Variants in NRXN1 observed in about 807,000 individuals in gnomAD.
The protein encoded by NRXN1 is neurexin 1, also known as neurexin-1.
Under a neutral mutation model 150.9 loss-of-function variants are expected in NRXN1, and 39 were observed. The observed-to-expected ratio is 0.26, with a 90% confidence interval of 0.20 to 0.34. The LOEUF (loss-of-function observed/expected upper bound fraction) is 0.34, where lower values mean the gene tolerates loss of function less well. Ranked by LOEUF, NRXN1 falls within the 10% of genes least tolerant of loss-of-function variation. The pLI, the probability that NRXN1 is intolerant of heterozygous loss-of-function variation, is 1.00. For missense variants in NRXN1, 1,815 were observed against 1,949.9 expected (o/e 0.93, Z 1.30); for synonymous variants, 924 against 757.0 (o/e 1.22, Z -3.62).
intron 9 of NRXN1, among the ~76,000 whole-genome samples, chr2:50,542,931 C>T (rs1312926387): frequency 6.6e-6 from 1 of 151,934 alleles, no homozygotes; most frequent in East Asian, 1.9e-4. Context: ...TTAAGGTTCC[C>T]GTGTGCTTAT....
At chr2:50,452,061 T>C (rs2087019961) in intron 17 of NRXN1, among the ~76,000 whole-genome samples, 1 of 152,236 alleles carries the variant, frequency 6.6e-6, no homozygotes, top group Admixed American at 6.5e-5. Flanking sequence ...AAAGTTGATG[T>C]AAGTAGATAT....
intron 17 of NRXN1, among the ~76,000 whole-genome samples, chr2:50,359,862 G>C (rs1326206817): frequency 6.6e-6 from 1 of 152,138 alleles, no homozygotes; most frequent in Non-Finnish European, 1.5e-5. Flanking sequence ...AGAGAGAAAG[G>C]TTGGGCTACC....
intron 5 of NRXN1, among the ~76,000 whole-genome samples, chr2:50,913,144 T>G (rs566847276): frequency 6.6e-6 from 1 of 151,960 alleles, no homozygotes; most frequent in East Asian, 1.9e-4. Flanking sequence ...AGACAGCTGT[T>G]AAAAGCCATC....
chr2:49,974,404 C>A (rs909886195), intron 21 of NRXN1, among the ~76,000 whole-genome samples: 3 of 152,076 alleles, frequency 2.0e-5, no homozygotes, highest in Non-Finnish European at 1.5e-5. Flanking sequence ...CTCTAACCCC[C>A]GACCGAAAAA....
At chr2:50,832,774 T>C (rs777457036) in intron 5 of NRXN1, among the ~76,000 whole-genome samples, 8 of 152,302 alleles carry the variant, frequency 5.3e-5, no homozygotes, top group South Asian at 4.1e-4. Context: ...GTTTCTGTTT[T>C]CCTCAGGGTA....
At chr2:50,828,485 A>G (rs1296676849) in intron 5 of NRXN1, among the ~76,000 whole-genome samples, 6 of 142,470 alleles carry the variant, frequency 4.2e-5, no homozygotes, top group Non-Finnish European at 7.6e-5. Flanking sequence ...GGCGGTTGCC[A>G]GGCGGAGGGT....
Position 50,761,342 on chromosome 2 carries a change from C to T in NRXN1, c.833-137727G>A, listed in dbSNP as rs1701778910. On this transcript the variant is annotated intron_variant, in intron 5 of 22. Coordinates refer to ENST00000401669, the MANE Select transcript of NRXN1 (RefSeq NM_001330078.2). ...GGGACCAGGTGGGAGGTAATTGAAT[C>T]ATGGGGGCGAGTTTTTCCTGGCCGT... Among the ~76,000 whole-genome samples the T allele has an allele frequency of 2.6e-5, 4 of 151,790 alleles. No individual in the cohort carries two copies. The South Asian group carries it at 8.3e-4, about 31-fold the overall frequency.
intron 17 of NRXN1, among the ~76,000 whole-genome samples, chr2:50,384,742 A>AT (rs1284758100): frequency 7.0e-6 from 1 of 143,032 alleles, no homozygotes; most frequent in Non-Finnish European, 1.6e-5. Context: ...TTTTTGTTCA[A>AT]TACTTCAAAA....
chr2:50,320,294 A>ACATATATATATG (rs1558518896), intron 17 of NRXN1, among the ~76,000 whole-genome samples: 2 of 101,556 alleles, frequency 2.0e-5, no homozygotes, highest in African/African-American at 9.2e-5. Flanking sequence ...ATATATATAT[A>ACATATATATATG]TATATATATA....
chr2:50,514,867 G>A (rs1573349820), intron 12 of NRXN1, among the ~76,000 whole-genome samples: 1 of 152,136 alleles, frequency 6.6e-6, no homozygotes. Flanking sequence ...TTTTAGATTC[G>A]ATATTGCCAC....
chr2:49,934,266 C>T (rs1270069000), intron 22 of NRXN1, among the ~76,000 whole-genome samples: 2 of 152,128 alleles, frequency 1.3e-5, no homozygotes, highest in African/African-American at 4.8e-5. Context: ...AGTCAATTTT[C>T]CCCCACTTCC....
intron 5 of NRXN1, among the ~76,000 whole-genome samples, chr2:50,834,005 A>G (rs1411137525): frequency 6.6e-6 from 1 of 152,144 alleles, no homozygotes; most frequent in East Asian, 1.9e-4. Flanking sequence ...CTTTTTTGCC[A>G]AACAACTGAA....
At chr2:50,430,853 T>A (rs778390261) in intron 17 of NRXN1, among the ~76,000 whole-genome samples, 2 of 152,152 alleles carry the variant, frequency 1.3e-5, no homozygotes, top group African/African-American at 4.8e-5. Context: ...AACTCTTGCA[T>A]TGGCCACAGC....
intron 15 of NRXN1, among the ~76,000 whole-genome samples, chr2:50,473,002 C>T (rs1056922888): frequency 6.6e-6 from 1 of 151,852 alleles, no homozygotes; most frequent in African/African-American, 2.4e-5. Flanking sequence ...TTATTAAATT[C>T]ACCTTCTGCT....
intron 5 of NRXN1, chr2:50,631,345 G>T: frequency 3.7e-6 from 1 of 270,204 alleles, no homozygotes. Context: ...GGAGACCCAG[G>T]ACTCTTGATG....
At chr2:50,259,591 T>G (rs2068047896) in intron 17 of NRXN1, among the ~76,000 whole-genome samples, 1 of 151,822 alleles carries the variant, frequency 6.6e-6, no homozygotes, top group Admixed American at 6.6e-5. Flanking sequence ...TTTGTAGATT[T>G]TTGCCAAACT....
Position 50,973,420 on chromosome 2 carries a change from G to C in NRXN1, c.773-47465C>G, listed in dbSNP as rs553996106. Among the ~76,000 whole-genome samples, 52 of 152,172 alleles carry C rather than the reference G, an allele frequency of 3.4e-4. No homozygotes were observed. In the South Asian group the frequency reaches 9.3e-3, roughly 27 times the overall value. On this transcript the variant is annotated intron_variant, in intron 2 of 22. Transcript: ENST00000401669. Reference sequence around the variant, plus strand: ...CGGTATCTATATATGGTTCTCATTTGTCTTAAAGATATCTCAGATTAATCC... The same window carrying C: ...CGGTATCTATATATGGTTCTCATTTCTCTTAAAGATATCTCAGATTAATCC...
intron 18 of NRXN1, among the ~76,000 whole-genome samples, chr2:50,146,437 A>G (rs1708017095): frequency 6.6e-6 from 1 of 151,814 alleles, no homozygotes; most frequent in Admixed American, 6.6e-5. Flanking sequence ...CCAATTGCCC[A>G]TCAATGATAG....
At chr2:50,304,835 T>C (rs2074468416) in intron 17 of NRXN1, among the ~76,000 whole-genome samples, 2 of 152,146 alleles carry the variant, frequency 1.3e-5, no homozygotes, top group South Asian at 4.1e-4. Flanking sequence ...GCTCACGCTA[T>C]AATCCCAGCA....
Sources: allele counts gnomAD v4.1 joint callset (sites outside exome capture counted in the v4.1 genomes callset), GRCh38; gene constraint gnomAD v4.1.1; transcripts MANE v1.5; gene names NCBI Gene and HGNC (gene_info 2026-07-23, HGNC 2026-07-21).